Variants in IL34 observed in about 807,000 individuals in gnomAD.
The protein encoded by IL34 is interleukin 34.
A neutral mutation model predicts 25.3 loss-of-function variants in IL34; 17 were observed. The observed-to-expected ratio is 0.67, with a 90% confidence interval of 0.46 to 1.01. IL34 has a LOEUF of 1.01. Among genes scored for constraint, IL34 ranks in the 50% least tolerant of loss-of-function variants. The pLI, the probability that IL34 is intolerant of heterozygous loss-of-function variation, is 0.00. For synonymous variants in IL34, 174 were observed against 140.9 expected, an observed-to-expected ratio of 1.23 and a Z score of -1.66; for missense variants, 368 against 312.9, an observed-to-expected ratio of 1.18 and a Z score of -1.33.
upstream of IL34, among the ~76,000 whole-genome samples, chr16:70,641,810 ACC>A (rs5817707): frequency 1.3e-5 from 2 of 151,488 alleles, no homozygotes; most frequent in Non-Finnish European, 2.9e-5. Flanking sequence ...CAAGCAATCC[ACC>A]CCCCCGCAAC....
chr16:70,615,825 C>T (rs969945569), intron 1 of IL34, among the ~76,000 whole-genome samples: 4 of 152,082 alleles, frequency 2.6e-5, no homozygotes, highest in African/African-American at 9.7e-5. Flanking sequence ...TGGTGGTGCA[C>T]ACCCGTGGTC....
At position 70,654,669 on chromosome 16, in the gene IL34, A is replaced by C; in HGVS notation, c.160A>C (p.Met54Leu). 6.2e-7 allele frequency: 1 copy of C among 1,602,468 alleles called. No individual in the cohort carries two copies. The highest frequency in any genetic ancestry group is 8.5e-7 in the Non-Finnish European group (1 of 1,170,926). The change falls in exon 2 of 6, where the codon ATG (methionine) becomes CTG (leucine). Residue 54 changes from methionine (M) to leucine (L), a missense_variant and splice_region_variant. Transcript: ENST00000288098. Reference protein sequence around the residue: ...KLQYRSRLQYMKHYFPINYKI... With the variant: ...KLQYRSRLQYLKHYFPINYKI... ...GCAGTACAGGAGCCGACTTCAGTAC[A>C]TGGTAACCACGTGGGCACCAGCTGT...
rs1230254629 is a variant in IL34, at chr16:70,623,757, GTC to G, written c.-400-22788_-400-22787del. Among the ~76,000 whole-genome samples, 4 of 151,532 alleles carry G rather than the reference GTC, an allele frequency of 2.6e-5. No homozygotes were observed. In the East Asian group the frequency reaches 7.7e-4, roughly 29 times the overall value. On this transcript the variant is annotated intron_variant, in intron 1 of 6. Coordinates refer to the IL34 transcript ENST00000429149. Reference sequence around the variant, plus strand: ...GGGAAGCAGATAATTTAGTTAAAGTGTCTCGGCCTAATAAGGGAACTGGGCAG... The same window carrying G: ...GGGAAGCAGATAATTTAGTTAAAGTGTCGGCCTAATAAGGGAACTGGGCAG...
intron 3 of IL34, 53 bp from the exon 4 acceptor site, chr16:70,656,907 A>T (rs1447069679): frequency 6.4e-7 from 1 of 1,566,416 alleles, no homozygotes; most frequent in Non-Finnish European, 8.7e-7. Context: ...GGGAGTGGTC[A>T]GAGCCCAGAG....
At chr16:70,606,123 G>A (rs1428264488) in intron 1 of IL34, among the ~76,000 whole-genome samples, 5 of 151,972 alleles carry the variant, frequency 3.3e-5, no homozygotes, top group African/African-American at 9.7e-5. Flanking sequence ...TTGGCCAGGC[G>A]CAGTGGCTCA....
intron 1 of IL34, among the ~76,000 whole-genome samples, chr16:70,628,131 C>T (rs1297537493): frequency 6.6e-6 from 1 of 152,120 alleles, no homozygotes; most frequent in Admixed American, 6.5e-5. Context: ...ATTTTATTCA[C>T]TCTAGGGTGT....
chr16:70,585,154 GTC>G (rs1429400873), intron 1 of IL34, among the ~76,000 whole-genome samples: 4 of 152,150 alleles, frequency 2.6e-5, no homozygotes, highest in African/African-American at 9.7e-5. Context: ...TCAGATGTCT[GTC>G]TCTATGAGTT....
chr16:70,656,650 G>T lies in IL34; in HGVS notation c.211G>T (p.Val71Leu), dbSNP rs780854401. 1.4e-6 allele frequency: 2 copies of T among 1,466,810 alleles called. No individual in the cohort carries two copies. The highest frequency in any genetic ancestry group is 1.1e-5 in the South Asian group (1 of 88,126). 90.9% of individuals were successfully genotyped at this position (1,466,810 alleles called of 1,614,324 possible). A position where few individuals can be genotyped will look rare whatever the true frequency, so the allele number is the denominator to read the frequency against. The part of the protein sequence containing the change: ...NYKISVPYEG[V>L]FRIANVTRLQ... ...CAAGATCAGTGTGCCTTACGAGGGG[G>T]TGTTCAGAATCGCCAACGTCACCAG... Residue 71 changes from valine (V) to leucine (L), a missense_variant, in exon 3 of 6, where the codon GTG (valine) becomes TTG (leucine). Coordinates refer to ENST00000288098, the MANE Select transcript of IL34 (RefSeq NM_001393494.1).
At chr16:70,601,269 A>G (rs894524570) in intron 1 of IL34, among the ~76,000 whole-genome samples, 1 of 152,114 alleles carries the variant, frequency 6.6e-6, no homozygotes, top group East Asian at 1.9e-4. Flanking sequence ...TATTTATTTA[A>G]AAATAATAAA....
chr16:70,620,233 G>T (rs12934036), intron 1 of IL34, among the ~76,000 whole-genome samples: 59,137 of 151,454 alleles, frequency 0.39, 12,210 homozygotes, highest in South Asian at 0.62. Context: ...GCGTCTCAAG[G>T]TTGCAGCCAA....
intron 1 of IL34, among the ~76,000 whole-genome samples, chr16:70,619,285 A>T (rs904824552): frequency 6.6e-6 from 1 of 152,082 alleles, no homozygotes; most frequent in African/African-American, 2.4e-5. Context: ...GTCGCCAAGG[A>T]GGGAGTAGAG....
intron 2 of IL34, 63 bp downstream of exon 2, chr16:70,654,734 C>G: frequency 1.3e-6 from 2 of 1,532,118 alleles, no homozygotes; most frequent in Non-Finnish European, 1.8e-6. Flanking sequence ...TGGCATAGGC[C>G]TCTGGACATT....
upstream of IL34, among the ~76,000 whole-genome samples, chr16:70,644,846 G>GGGAAGAGGA (rs774611522): frequency 7.1e-6 from 1 of 140,994 alleles, no homozygotes; most frequent in Non-Finnish European, 1.5e-5. Flanking sequence ...AGAGGAAGGA[G>GGGAAGAGGA]GGAAGAGGAG....
At chr16:70,638,102 C>A (rs540147394) in intron 1 of IL34, among the ~76,000 whole-genome samples, 1 of 152,256 alleles carries the variant, frequency 6.6e-6, no homozygotes, top group South Asian at 2.1e-4. Context: ...AAAAAGTGGA[C>A]CCATGCACTC....
intron 1 of IL34, among the ~76,000 whole-genome samples, chr16:70,615,487 C>T (rs760438972): frequency 4.6e-5 from 7 of 151,696 alleles, no homozygotes; most frequent in African/African-American, 1.7e-4. Flanking sequence ...AGCCTGGCAA[C>T]AGAGCAAGAC....
At chr16:70,620,449 TA>T (rs2051256717) in intron 1 of IL34, among the ~76,000 whole-genome samples, 1 of 81,598 alleles carries the variant, frequency 1.2e-5, no homozygotes, top group Non-Finnish European at 2.1e-5. Flanking sequence ...GGGGAGGTGA[TA>T]AAAAGATAGG....
intron 1 of IL34, among the ~76,000 whole-genome samples, chr16:70,640,735 C>T (rs1178004377): frequency 6.6e-6 from 1 of 152,068 alleles, no homozygotes; most frequent in African/African-American, 2.4e-5. Flanking sequence ...AGCTCATCCT[C>T]TTTAAGCATA....
intron 1 of IL34, among the ~76,000 whole-genome samples, chr16:70,652,806 A>T (rs956655734): frequency 6.6e-6 from 1 of 152,226 alleles, no homozygotes; most frequent in Non-Finnish European, 1.5e-5. Flanking sequence ...AAGGGTGCGG[A>T]TACTACTAAA....
At chr16:70,597,838 T>A (rs532755487) in intron 1 of IL34, among the ~76,000 whole-genome samples, 1 of 152,184 alleles carries the variant, frequency 6.6e-6, no homozygotes, top group Non-Finnish European at 1.5e-5. Flanking sequence ...GCCCTGGAGA[T>A]GCAGTTCTTT....
Sources: allele counts gnomAD v4.1 joint callset (sites outside exome capture counted in the v4.1 genomes callset), GRCh38; gene constraint gnomAD v4.1.1; transcripts MANE v1.5; gene names NCBI Gene and HGNC (gene_info 2026-07-23, HGNC 2026-07-21).